BFAR: variants seen among roughly 807,000 people sequenced by gnomAD.
BFAR encodes RING finger protein 47.
In BFAR, 52 loss-of-function variants were observed where a neutral mutation model predicts 54.4. The observed-to-expected ratio is 0.96, with a 90% CI of 0.77 to 1.21. The LOEUF (loss-of-function observed/expected upper bound fraction) is 1.21, where lower values mean the gene tolerates loss of function less well. BFAR is among the 50% of genes most tolerant of loss of function. The pLI, the probability that BFAR is intolerant of heterozygous loss-of-function variation, is 0.00. For missense variants in BFAR, 571 were observed against 534.0 expected, an observed-to-expected ratio of 1.07 and a Z score of -0.68; for synonymous variants, 215 against 204.3, an observed-to-expected ratio of 1.05 and a Z score of -0.45.
chr16:14,634,302 C>G (rs1223503078), intron 1 of BFAR, among the ~76,000 whole-genome samples: 4 of 152,220 alleles, frequency 2.6e-5, no homozygotes, highest in African/African-American at 9.7e-5. Flanking sequence ...CAACATCCAG[C>G]CTGGGTGTAT....
intron 4 of BFAR, among the ~76,000 whole-genome samples, chr16:14,654,165 C>T (rs780884047): frequency 6.6e-5 from 10 of 151,686 alleles, no homozygotes; most frequent in East Asian, 5.8e-4. Context: ...GCGCCTGCCA[C>T]GACACCTGGC....
At position 14,667,956 on chromosome 16, in the gene BFAR, C is replaced by T; in HGVS notation, c.*129C>T. ...TAAAACAAGGTGCTGCTTTGTATAT[C>T]AAAAGCTCCAACCATGTCCTCTCCC... On this transcript the variant is annotated 3_prime_UTR_variant, in exon 8 of 8. Transcript: ENST00000261658. 2.0e-6 allele frequency: 2 copies of T among 985,092 alleles called. No individual in the cohort carries two copies. The highest frequency in any genetic ancestry group is 3.0e-6 in the Non-Finnish European group (2 of 663,372). 61.0% of individuals were successfully genotyped at this position (985,092 alleles called of 1,614,324 possible).
At chr16:14,643,124 C>A (rs1476479036) in intron 1 of BFAR, among the ~76,000 whole-genome samples, 2 of 152,100 alleles carry the variant, frequency 1.3e-5, no homozygotes, top group East Asian at 3.9e-4. Context: ...ACCAGCCTGG[C>A]CAACATGGCG....
rs908998583 is a variant in BFAR, at chr16:14,655,087, G to A, written c.660G>A (p.Glu220=). Residue 220 remains glutamate, a synonymous_variant, in exon 5 of 8, where the codon GAG becomes GAA. Coordinates refer to ENST00000261658, the MANE Select transcript of BFAR (RefSeq NM_016561.3). The part of the protein sequence containing the change: ...VNGRLLLTLT[E]EEFSKTPYTI... ...ACAGGTTGCTTTTAACTTTGACAGAGGAAGAATTTTCCAAGACGCCCTATA... is the reference window on the plus strand; with the variant it reads ...ACAGGTTGCTTTTAACTTTGACAGAAGAAGAATTTTCCAAGACGCCCTATA... 6.2e-7 allele frequency: 1 copy of A among 1,609,232 alleles called. No individual in the cohort carries two copies. The highest frequency in any genetic ancestry group is 8.5e-7 in the Non-Finnish European group (1 of 1,178,410).
chr16:14,662,732 G>A (rs1438807648), intron 6 of BFAR, among the ~76,000 whole-genome samples: 1 of 152,052 alleles, frequency 6.6e-6, no homozygotes, highest in East Asian at 1.9e-4. Context: ...TGCCCAGCCT[G>A]GTCTTGAACT....
chr16:14,636,881 C>T (rs921329386), intron 1 of BFAR, among the ~76,000 whole-genome samples: 4 of 152,226 alleles, frequency 2.6e-5, no homozygotes, highest in Admixed American at 2.0e-4. Flanking sequence ...ATGCTGCCTT[C>T]AAGCATCTGT....
At chr16:14,658,574 C>CA (rs896816472) in intron 5 of BFAR, among the ~76,000 whole-genome samples, 1 of 150,790 alleles carries the variant, frequency 6.6e-6, no homozygotes, top group Non-Finnish European at 1.5e-5. Flanking sequence ...TACTAAAATA[C>CA]AAAAAAAAAT....
intron 2 of BFAR, among the ~76,000 whole-genome samples, chr16:14,647,617 C>T (rs575153438): frequency 2.7e-5 from 4 of 150,472 alleles, no homozygotes; most frequent in African/African-American, 9.8e-5. Flanking sequence ...ACGGAGGTTG[C>T]GGTAAGCTGA....
intron 3 of BFAR, 35 bp downstream of exon 3, chr16:14,648,627 A>T: frequency 7.9e-7 from 1 of 1,262,414 alleles, no homozygotes; most frequent in Non-Finnish European, 1.1e-6. Context: ...GTGCCCCCCC[A>T]CACCTCACCC....
At chr16:14,640,292 T>C (rs1376051660) in intron 1 of BFAR, among the ~76,000 whole-genome samples, 1 of 152,106 alleles carries the variant, frequency 6.6e-6, no homozygotes, top group Non-Finnish European at 1.5e-5. Context: ...CATCACATTA[T>C]GGGACAGGGG....
At chr16:14,645,514 C>T (rs973542176) in intron 2 of BFAR, among the ~76,000 whole-genome samples, 4 of 152,114 alleles carry the variant, frequency 2.6e-5, no homozygotes, top group Non-Finnish European at 4.4e-5. Context: ...CATAATGTAC[C>T]TGTGAAGGCT....
intron 2 of BFAR, among the ~76,000 whole-genome samples, chr16:14,646,420 T>G (rs1308020024): frequency 6.6e-6 from 1 of 152,164 alleles, no homozygotes; most frequent in Non-Finnish European, 1.5e-5. Flanking sequence ...ACTCCTGACC[T>G]TTAGTGATCC....
intron 1 of BFAR, among the ~76,000 whole-genome samples, chr16:14,638,928 GAGTAAGACTTGTCTCAAA>G: frequency 6.6e-6 from 1 of 150,730 alleles, no homozygotes; most frequent in Non-Finnish European, 1.5e-5. Flanking sequence ...TTGGGCAACA[GAGTAAGACTTGTCTCAAA>G]AAGAAAAAAA....
At chr16:14,642,724 C>G (rs1273326456) in intron 1 of BFAR, among the ~76,000 whole-genome samples, 1 of 152,022 alleles carries the variant, frequency 6.6e-6, no homozygotes, top group Non-Finnish European at 1.5e-5. Flanking sequence ...CCTCTGAAGT[C>G]AAATGTTTAT....
At chr16:14,663,712 T>C (rs1026588995) in intron 6 of BFAR, among the ~76,000 whole-genome samples, 1 of 152,132 alleles carries the variant, frequency 6.6e-6, no homozygotes, top group Non-Finnish European at 1.5e-5. Context: ...ATTACCTTTT[T>C]TTGGAGGGAG....
At chr16:14,644,638 A>G (rs779170940) in intron 2 of BFAR, 29 bp downstream of exon 2, 10 of 1,595,438 alleles carry the variant, frequency 6.3e-6, no homozygotes, top group Non-Finnish European at 8.5e-6. Flanking sequence ...TGGTAGCACA[A>G]ACAGCCCATA....
Position 14,664,942 on chromosome 16 carries a change from T to C in BFAR, c.1031T>C (p.Ile344Thr), listed in dbSNP as rs571503721. Residue 344 changes from isoleucine (I) to threonine (T), a missense_variant, in exon 7 of 8, where the codon ATT becomes ACT. Transcript: ENST00000261658. ...TACTCCTTCCTTCCATACCAGCTGATTGCTGAGTTTGCTTGGGACTGGTTG... is the reference window on the plus strand; with the variant it reads ...TACTCCTTCCTTCCATACCAGCTGACTGCTGAGTTTGCTTGGGACTGGTTG... Reference protein sequence around the residue: ...VKYSFLPYQLIAEFAWDWLEV... With the variant: ...VKYSFLPYQLTAEFAWDWLEV... The C allele has an allele frequency of 6.2e-7, 1 of 1,613,848 alleles. No individual in the cohort carries two copies. Among genetic ancestry groups the C allele is most frequent in the African/African-American group, 1.3e-5 (1 of 75,068 alleles).
intron 5 of BFAR, among the ~76,000 whole-genome samples, chr16:14,659,440 C>A (rs909824384): frequency 1.3e-5 from 2 of 151,504 alleles, no homozygotes; most frequent in African/African-American, 4.9e-5. Context: ...GACAGGGTTT[C>A]ACCATGTTGG....
At chr16:14,638,266 C>T (rs1959515247) in intron 1 of BFAR, among the ~76,000 whole-genome samples, 1 of 152,072 alleles carries the variant, frequency 6.6e-6, no homozygotes, top group South Asian at 2.1e-4. Context: ...GCCTATGGTC[C>T]CAGCTACTTG....
Sources: gnomAD v4.1 joint callset for allele counts (sites outside exome capture counted in the v4.1 genomes callset) on GRCh38, gnomAD v4.1.1 for gene constraint, MANE v1.5 for transcripts, NCBI Gene and HGNC (gene_info 2026-07-23, HGNC 2026-07-21) for gene names.